PDE10A: variants seen among roughly 807,000 people sequenced by gnomAD.
PDE10A encodes cAMP and cAMP-inhibited cGMP 3',5'-cyclic phosphodiesterase 10A.
A neutral mutation model predicts 97.7 loss-of-function variants in PDE10A; 39 were observed. That is an observed-to-expected ratio of 0.40 (90% CI 0.31 to 0.52). The LOEUF (loss-of-function observed/expected upper bound fraction) is 0.52. Ranked by LOEUF, PDE10A falls within the 20% of genes least tolerant of loss-of-function variation. The pLI, the probability that PDE10A is intolerant of heterozygous loss-of-function variation, is 0.56. For missense variants in PDE10A, 731 were observed against 1,047.8 expected, an observed-to-expected ratio of 0.70 and a Z score of 4.17; for synonymous variants, 371 against 376.8, an observed-to-expected ratio of 0.98 and a Z score of 0.18.
rs565424469 is a variant in PDE10A, at chr6:165,726,895, A to T, written c.-614-183327T>A. 9.8e-5 allele frequency among the ~76,000 whole-genome samples: 15 copies of T among 152,346 alleles called. No homozygotes were observed. In the South Asian group the frequency reaches 2.9e-3, roughly 29 times the overall value. On this transcript the variant is annotated intron_variant, in intron 1 of 19. Coordinates refer to the PDE10A transcript ENST00000366882. ...CACTTCACTCGTGACCAAACTAAAG[A>T]TGACAGAGAAGCTCAAATGTGTCCC...
chr6:165,454,085 A>G (rs1777795363), intron 3 of PDE10A, among the ~76,000 whole-genome samples: 1 of 152,182 alleles, frequency 6.6e-6, no homozygotes, highest in Non-Finnish European at 1.5e-5. Context: ...TCCTCTGTTG[A>G]GTTTTGGACT....
intron 5 of PDE10A, among the ~76,000 whole-genome samples, chr6:165,448,143 C>G (rs1225714096): frequency 6.6e-6 from 1 of 152,028 alleles, no homozygotes; most frequent in African/African-American, 2.4e-5. Flanking sequence ...GATAGCAATG[C>G]CTAACACATA....
chr6:165,794,697 A>T (rs1355767823), intron 1 of PDE10A, among the ~76,000 whole-genome samples: 1 of 152,158 alleles, frequency 6.6e-6, no homozygotes, highest in Non-Finnish European at 1.5e-5. Flanking sequence ...ATATTTTCTC[A>T]TTTCACCCAC....
chr6:165,432,979 G>T lies in PDE10A; in HGVS notation c.1486C>A (p.Gln496Lys). The T allele has an allele frequency of 6.2e-7, 1 of 1,613,118 alleles. No homozygotes were observed. The highest frequency in any genetic ancestry group is 1.1e-5 in the South Asian group (1 of 90,920). ...WGKEAFCLSHQEVATANLAWA... is the reference protein window; with the variant it reads ...WGKEAFCLSHKEVATANLAWA... The stretch of plus-strand genomic sequence containing the variant: ...GCAGCATTTAAAGGCCTTACCTCCT[G>T]GTGACTAAGACAGAAGGCTTCTTTG... Residue 496 changes from glutamine to lysine, a missense_variant, in exon 7 of 22, where the codon CAG becomes AAG. Coordinates refer to ENST00000539869, the MANE Select transcript of PDE10A (RefSeq NM_001385079.1).
intron 2 of PDE10A, among the ~76,000 whole-genome samples, 181 bp downstream of exon 2, chr6:165,543,255 ATCTT>A (rs1783557742): frequency 6.6e-6 from 1 of 152,102 alleles, no homozygotes. Context: ...TTAGTCACGG[ATCTT>A]TCTTTTGTAT....
chr6:165,916,589 G>T (rs193060742), intron 1 of PDE10A, among the ~76,000 whole-genome samples: 1 of 152,170 alleles, frequency 6.6e-6, no homozygotes, highest in South Asian at 2.1e-4. Context: ...AAATGGCACC[G>T]TTCCTCTCCT....
chr6:165,496,813 C>T (rs1220485759), intron 2 of PDE10A, among the ~76,000 whole-genome samples: 1 of 152,164 alleles, frequency 6.6e-6, no homozygotes, highest in Admixed American at 6.5e-5. Flanking sequence ...CTACTTTTAA[C>T]CAGAGGTTTA....
chr6:165,386,970 C>T (rs766653311), intron 17 of PDE10A, among the ~76,000 whole-genome samples: 47 of 151,984 alleles, frequency 3.1e-4, no homozygotes, highest in Admixed American at 7.9e-4. Context: ...GAGCCCAGAT[C>T]GCGCCACTGC....
intron 1 of PDE10A, among the ~76,000 whole-genome samples, chr6:165,582,386 A>C (rs1473502072): frequency 1.3e-5 from 2 of 152,220 alleles, no homozygotes; most frequent in Non-Finnish European, 2.9e-5. Flanking sequence ...GAAGCAAATC[A>C]TTACAAGCAT....
At chr6:165,826,967 G>T (rs990533252) in intron 1 of PDE10A, among the ~76,000 whole-genome samples, 4 of 152,170 alleles carry the variant, frequency 2.6e-5, no homozygotes, top group Admixed American at 1.3e-4. Context: ...GGGGACAGAG[G>T]GACATCAGGA....
At chr6:165,604,706 G>A (rs187108043) in intron 1 of PDE10A, among the ~76,000 whole-genome samples, 1 of 152,296 alleles carries the variant, frequency 6.6e-6, no homozygotes, top group East Asian at 1.9e-4. Flanking sequence ...TACTTCAGTG[G>A]AAAGCTGGAG....
intron 1 of PDE10A, among the ~76,000 whole-genome samples, chr6:165,565,736 T>C (rs1265783667): frequency 6.6e-6 from 1 of 152,148 alleles, no homozygotes; most frequent in Non-Finnish European, 1.5e-5. Context: ...AATGGATACG[T>C]GGATCAATGG....
At chr6:165,738,050 T>C (rs1281022355) in intron 1 of PDE10A, among the ~76,000 whole-genome samples, 2 of 151,948 alleles carry the variant, frequency 1.3e-5, no homozygotes, top group Non-Finnish European at 2.9e-5. Context: ...TTAGGGTACA[T>C]GTGCACATTG....
intron 10 of PDE10A, among the ~76,000 whole-genome samples, chr6:165,421,397 T>C (rs542280347): frequency 6.6e-6 from 1 of 152,306 alleles, no homozygotes; most frequent in South Asian, 2.1e-4. Context: ...GAGCCATGAC[T>C]GAGCCACTGT....
At chr6:165,961,847 G>C (rs1784369609) in intron 1 of PDE10A, among the ~76,000 whole-genome samples, 1 of 152,180 alleles carries the variant, frequency 6.6e-6, no homozygotes, top group South Asian at 2.1e-4. Context: ...TCTTAGCCAA[G>C]ATCCACCCTC....
At chr6:165,787,822 C>T (rs1271422761) in intron 1 of PDE10A, among the ~76,000 whole-genome samples, 3 of 152,184 alleles carry the variant, frequency 2.0e-5, no homozygotes, top group Admixed American at 6.5e-5. Context: ...CAATCTGGAA[C>T]ATTAGAGATC....
intron 1 of PDE10A, among the ~76,000 whole-genome samples, chr6:165,978,461 G>A (rs1188133269): frequency 2.6e-5 from 4 of 152,180 alleles, no homozygotes; most frequent in Non-Finnish European, 4.4e-5. Flanking sequence ...ATGTCACCAC[G>A]ACAGGACCTG....
intron 2 of PDE10A, among the ~76,000 whole-genome samples, chr6:165,518,735 T>C (rs1781964176): frequency 6.6e-6 from 1 of 152,192 alleles, no homozygotes; most frequent in African/African-American, 2.4e-5. Context: ...AGAACAAATT[T>C]TCTGTCCATG....
In PDE10A at chr6:165,609,584, G is replaced by A. The variant is rs534889450; in HGVS notation, c.865+52363C>T. ...AGTCAAATTGTCCCTGTTTGCAGAC[G>A]ACATGATTGTATATCTAGAAAACCC... On this transcript the variant is annotated intron_variant, in intron 1 of 21. Transcript: ENST00000539869. Among the ~76,000 whole-genome samples the A allele has an allele frequency of 2.8e-4, 43 of 152,304 alleles. 1 individual carries two copies. Among genetic ancestry groups the A allele is most frequent in the Non-Finnish European group, 4.4e-4 (30 of 68,032 alleles).
Sources: allele counts gnomAD v4.1 joint callset (sites outside exome capture counted in the v4.1 genomes callset), GRCh38; gene constraint gnomAD v4.1.1; transcripts MANE v1.5; gene names NCBI Gene and HGNC (gene_info 2026-07-23, HGNC 2026-07-21).